AK5: variants seen among roughly 807,000 people sequenced by gnomAD.
AK5 encodes adenylate kinase 5.
AK5 carries 27 observed loss-of-function variants against 69.5 expected under a neutral mutation model. The ratio of observed to expected loss-of-function variants is 0.39; its 90% CI spans 0.29 to 0.54. The LOEUF is 0.54. Ranked by LOEUF, AK5 falls within the 20% of genes least tolerant of loss-of-function variation. The pLI, the probability that AK5 is intolerant of heterozygous loss-of-function variation, is 0.71. For missense variants in AK5, 531 were observed against 700.4 expected, an observed-to-expected ratio of 0.76 and a Z score of 2.73; for synonymous variants, 260 against 244.4, an observed-to-expected ratio of 1.06 and a Z score of -0.60.
At chr1:77,368,245 A>ATATATATATGTATGTTATATATAT (rs376578923) in intron 6 of AK5, among the ~76,000 whole-genome samples, 2 of 67,910 alleles carry the variant, frequency 2.9e-5, no homozygotes, top group Non-Finnish European at 5.7e-5. Context: ...ATATATATAT[A>ATATATATATGTATGTTATATATAT]TATATATAAT....
chr1:77,355,000 G>A (rs9324161), intron 6 of AK5, among the ~76,000 whole-genome samples: 43,251 of 152,060 alleles, frequency 0.28, 6,610 homozygotes, highest in East Asian at 0.41. Flanking sequence ...CAGACATCAC[G>A]ATCACTTGAT....
chr1:77,501,997 A>G (rs1440056823), intron 10 of AK5, among the ~76,000 whole-genome samples: 1 of 152,252 alleles, frequency 6.6e-6, no homozygotes, highest in Non-Finnish European at 1.5e-5. Context: ...CATCACTGAC[A>G]GATAACTATC....
chr1:77,451,767 C>T (rs949952137), intron 8 of AK5, among the ~76,000 whole-genome samples: 5 of 152,188 alleles, frequency 3.3e-5, no homozygotes, highest in South Asian at 2.1e-4. Flanking sequence ...ATTCTGTCGG[C>T]GATTGCCTTT....
intron 6 of AK5, among the ~76,000 whole-genome samples, chr1:77,361,974 G>A (rs78569940): frequency 0.073 from 11,060 of 152,070 alleles, 505 homozygotes; most frequent in Admixed American, 0.12. Context: ...TCTTGGGTAG[G>A]TAACTTACCA....
chr1:77,491,196 G>A (rs768655502), intron 10 of AK5, among the ~76,000 whole-genome samples: 1 of 151,270 alleles, frequency 6.6e-6, no homozygotes, highest in Non-Finnish European at 1.5e-5. Context: ...GAAAACTGGA[G>A]TAATAAGAAT....
At chr1:77,333,777 T>G (rs1661211265) in intron 5 of AK5, among the ~76,000 whole-genome samples, 1 of 152,200 alleles carries the variant, frequency 6.6e-6, no homozygotes, top group Non-Finnish European at 1.5e-5. Flanking sequence ...ATCTGGTCCT[T>G]TACAGAAAGA....
At chr1:77,516,220 G>A (rs1366594616) in intron 10 of AK5, among the ~76,000 whole-genome samples, 1 of 152,196 alleles carries the variant, frequency 6.6e-6, no homozygotes, top group Non-Finnish European at 1.5e-5. Flanking sequence ...GGCACAGAAA[G>A]ACAAATACTG....
intron 10 of AK5, among the ~76,000 whole-genome samples, chr1:77,490,621 T>A (rs567848508): frequency 1.3e-5 from 2 of 152,270 alleles, no homozygotes; most frequent in South Asian, 4.1e-4. Flanking sequence ...ATACAAGATA[T>A]AAGAACCTGC....
At chr1:77,392,671 T>C (rs1375791792) in intron 6 of AK5, among the ~76,000 whole-genome samples, 1 of 152,150 alleles carries the variant, frequency 6.6e-6, no homozygotes, top group Non-Finnish European at 1.5e-5. Context: ...CGCACATTCA[T>C]AATAATAGTT....
intron 5 of AK5, among the ~76,000 whole-genome samples, chr1:77,333,607 C>T (rs1035321317): frequency 5.4e-5 from 8 of 147,360 alleles, no homozygotes; most frequent in Non-Finnish European, 1.2e-4. Flanking sequence ...TATTCTAGAG[C>T]AGGGGTCAGC....
intron 10 of AK5, among the ~76,000 whole-genome samples, chr1:77,494,798 T>C (rs537983342): frequency 3.6e-4 from 54 of 152,096 alleles, no homozygotes; most frequent in African/African-American, 1.2e-3. Flanking sequence ...TTTTTTTTTT[T>C]TGAGACGGAG....
intron 8 of AK5, among the ~76,000 whole-genome samples, chr1:77,472,933 C>T (rs1476839716): frequency 6.6e-6 from 1 of 152,064 alleles, no homozygotes; most frequent in African/African-American, 2.4e-5. Flanking sequence ...CTGACTCTGA[C>T]CCTCTTGACT....
chr1:77,357,811 G>A (rs1175464898), intron 6 of AK5, among the ~76,000 whole-genome samples: 1 of 152,146 alleles, frequency 6.6e-6, no homozygotes, highest in Non-Finnish European at 1.5e-5. Context: ...GCAGTTGCAC[G>A]CCATGTTATT....
rs1163848889 is a variant in AK5, at chr1:77,536,034, A to G, written c.1616A>G (p.His539Arg). ...TACTACGAGACAAAAACACAGCTAC[A>G]CAAGGCGAGTCACTTCACTTTCTCC... The part of the protein sequence containing the change: ...IAYYETKTQL[H>R]KINAEGTPED... The change falls in exon 13 of 14, where the codon CAC (histidine) becomes CGC (arginine). Residue 539 changes from histidine (H) to arginine (R), a missense_variant. Coordinates refer to ENST00000354567, the MANE Select transcript of AK5 (RefSeq NM_174858.3). 4 of 1,608,954 alleles carry G rather than the reference A, an allele frequency of 2.5e-6. No homozygotes were observed. In the Middle Eastern group the frequency reaches 6.7e-4, roughly 268 times the overall value.
chr1:77,355,323 G>C (rs1397515010), intron 6 of AK5, among the ~76,000 whole-genome samples: 1 of 152,198 alleles, frequency 6.6e-6, no homozygotes, highest in Admixed American at 6.5e-5. Flanking sequence ...ATATCAAGTA[G>C]TGCATTTTCT....
chr1:77,544,821 G>C (rs557941746), intron 13 of AK5, among the ~76,000 whole-genome samples: 48 of 152,312 alleles, frequency 3.2e-4, no homozygotes, highest in African/African-American at 1.1e-3. Flanking sequence ...ATAATTGAAA[G>C]TATAATATAG....
chr1:77,325,955 ATGTTTATGGAT>A (rs1660783640), intron 5 of AK5, among the ~76,000 whole-genome samples: 2 of 152,148 alleles, frequency 1.3e-5, no homozygotes, highest in African/African-American at 4.8e-5. Context: ...CAATTAATAA[ATGTTTATGGAT>A]TGGAGTGGAA....
At chr1:77,354,077 G>A (rs1662361783) in intron 6 of AK5, among the ~76,000 whole-genome samples, 2 of 152,110 alleles carry the variant, frequency 1.3e-5, no homozygotes, top group Admixed American at 6.5e-5. Flanking sequence ...ATTTCTAAGT[G>A]GAGTTACAGC....
chr1:77,429,946 A>C (rs1445403508), intron 8 of AK5, among the ~76,000 whole-genome samples: 1 of 152,194 alleles, frequency 6.6e-6, no homozygotes, highest in Non-Finnish European at 1.5e-5. Flanking sequence ...CCTGGAAAGT[A>C]GGGCTTTGTA....
Sources: gnomAD v4.1 joint callset for allele counts (sites outside exome capture counted in the v4.1 genomes callset) on GRCh38, gnomAD v4.1.1 for gene constraint, MANE v1.5 for transcripts, NCBI Gene and HGNC (gene_info 2026-07-23, HGNC 2026-07-21) for gene names.